Variants in NTRK3 observed in about 807,000 individuals in gnomAD.
NTRK3 encodes the protein NT-3 growth factor receptor.
In NTRK3, 24 loss-of-function variants were observed where a neutral mutation model predicts 91.7. The observed-to-expected ratio is 0.26, with a 90% CI of 0.19 to 0.37. The LOEUF is 0.37. Ranked by LOEUF, NTRK3 falls within the 10% of genes least tolerant of loss-of-function variation. The pLI is 1.00. For missense variants in NTRK3, 880 were observed against 1,068.9 expected (o/e 0.82, Z 2.46); for synonymous variants, 483 against 404.0 (o/e 1.20, Z -2.34).
chr15:88,112,127 T>C lies in NTRK3; in HGVS notation c.1396+14144A>G, dbSNP rs183956962. On this transcript the variant is annotated intron_variant, in intron 13 of 18. Coordinates refer to ENST00000394480, the Ensembl canonical transcript of NTRK3. Reference sequence around the variant, plus strand: ...TTCACAATGTTAGCCAGGATGGTCTTGATCTCCTGACCTCGTGATCCGCCC... The same window carrying C: ...TTCACAATGTTAGCCAGGATGGTCTCGATCTCCTGACCTCGTGATCCGCCC... Among the ~76,000 whole-genome samples, 826 of 152,230 alleles carry C rather than the reference T, an allele frequency of 5.4e-3. 16 individuals are homozygous for C. In the East Asian group the frequency reaches 0.055, roughly 10 times the overall value.
intron 14 of NTRK3, among the ~76,000 whole-genome samples, chr15:88,031,641 G>A (rs2078545664): frequency 6.6e-6 from 1 of 152,116 alleles, no homozygotes. Flanking sequence ...CCAAGGTTAG[G>A]AGGCAAACGA....
exon 1 of NTRK3, chr15:88,256,730 G>C (rs1392143836): frequency 5.7e-6 from 2 of 352,072 alleles, no homozygotes; most frequent in South Asian, 3.0e-4. Flanking sequence ...CTGCAGAAAT[G>C]TACAAGTGCT....
intron 17 of NTRK3, among the ~76,000 whole-genome samples, chr15:87,896,700 T>G (rs930368110): frequency 6.6e-6 from 1 of 152,160 alleles, no homozygotes; most frequent in African/African-American, 2.4e-5. Context: ...CTACAATACA[T>G]GAGTGTGCAC....
At chr15:88,111,071 A>G (rs898568816) in intron 13 of NTRK3, among the ~76,000 whole-genome samples, 9 of 152,190 alleles carry the variant, frequency 5.9e-5, no homozygotes, top group African/African-American at 1.9e-4. Context: ...AATGACTCCT[A>G]TGTCTCTAGT....
At chr15:88,214,269 A>T (rs570680948) in intron 3 of NTRK3, among the ~76,000 whole-genome samples, 10 of 152,236 alleles carry the variant, frequency 6.6e-5, no homozygotes, top group Admixed American at 5.9e-4. Context: ...GCTCCCTCGA[A>T]TGGCTGTAGA....
intron 3 of NTRK3, among the ~76,000 whole-genome samples, chr15:88,229,598 G>A (rs1461603123): frequency 1.3e-5 from 2 of 152,200 alleles, no homozygotes; most frequent in Admixed American, 6.5e-5. Context: ...GAGCCTGCCA[G>A]TTAACTCTTG....
intron 13 of NTRK3, among the ~76,000 whole-genome samples, chr15:88,119,995 T>C (rs180727261): frequency 3.9e-4 from 59 of 152,262 alleles, no homozygotes; most frequent in African/African-American, 1.4e-3. Context: ...GACACTCTGT[T>C]CCAGCTGAGA....
At chr15:88,071,054 T>C (rs930716221) in intron 13 of NTRK3, among the ~76,000 whole-genome samples, 2 of 152,046 alleles carry the variant, frequency 1.3e-5, no homozygotes, top group African/African-American at 2.4e-5. Context: ...CTGATTAGGG[T>C]TCAATCCTAC....
chr15:88,141,415 G>A (rs373663239), intron 6 of NTRK3, among the ~76,000 whole-genome samples: 99 of 152,304 alleles, frequency 6.5e-4, no homozygotes, highest in African/African-American at 2.3e-3. Flanking sequence ...GGAAAGATAG[G>A]CCAGAGGAGG....
chr15:87,906,793 C>T (rs553446476), intron 17 of NTRK3, among the ~76,000 whole-genome samples: 1 of 152,294 alleles, frequency 6.6e-6, no homozygotes, highest in East Asian at 1.9e-4. Flanking sequence ...CTATTACTAC[C>T]ACCAAGTACT....
chr15:88,008,853 T>A (rs1438782282), intron 14 of NTRK3, among the ~76,000 whole-genome samples: 2 of 152,170 alleles, frequency 1.3e-5, no homozygotes, highest in African/African-American at 4.8e-5. Context: ...GTTTAGCACC[T>A]CCCTTCACTC....
intron 5 of NTRK3, among the ~76,000 whole-genome samples, chr15:88,176,133 C>CTTTTTTTTTTTTT (rs1167029194): frequency 8.6e-6 from 1 of 115,646 alleles, no homozygotes; most frequent in African/African-American, 4.0e-5. Context: ...CTATATGCCC[C>CTTTTTTTTTTTTT]TTCTTTTTTT....
At chr15:87,861,149 T>G (rs918120051) in exon 19 of NTRK3, 3 of 225,010 alleles carry the variant, frequency 1.3e-5, no homozygotes, top group African/African-American at 6.7e-5. Flanking sequence ...AATATATTTA[T>G]GCAAACATTG....
At chr15:88,101,128 G>T (rs1267144603) in intron 13 of NTRK3, among the ~76,000 whole-genome samples, 4 of 152,202 alleles carry the variant, frequency 2.6e-5, no homozygotes, top group African/African-American at 9.6e-5. Flanking sequence ...CTGACAAAGG[G>T]CTAATATCCA....
chr15:88,084,132 C>T (rs1362375993), intron 13 of NTRK3, among the ~76,000 whole-genome samples: 3 of 145,818 alleles, frequency 2.1e-5, no homozygotes, highest in East Asian at 2.0e-4. Context: ...TTTTTTTCTT[C>T]GAAACAGGAA....
In NTRK3 at chr15:88,171,749, G is replaced by C. The variant is rs1306129733; in HGVS notation, c.395+11669C>G. ...TGAAAGAGTTGGCAAAGTCAAACTT[G>C]GGTTCACAGCCTAGTCTGCCCACCT... On this transcript the variant is annotated intron_variant, in intron 5 of 18. Coordinates refer to ENST00000394480, the Ensembl canonical transcript of NTRK3. 2.0e-5 allele frequency among the ~76,000 whole-genome samples: 3 copies of C among 152,210 alleles called. No individual in the cohort carries two copies. In the East Asian group the frequency reaches 5.8e-4, roughly 29 times the overall value.
In NTRK3 at chr15:87,961,727, A is replaced by G. The variant is rs183243556; in HGVS notation, c.1586-20974T>C. ...GCCCAGGGCATGCCCAGATGGGCTA[A>G]GCAACAGATGGACATTGGTGTGTTG... On this transcript the variant is annotated intron_variant, in intron 14 of 18. Coordinates refer to ENST00000394480, the Ensembl canonical transcript of NTRK3. 1.6e-3 allele frequency among the ~76,000 whole-genome samples: 251 copies of G among 152,394 alleles called. 1 individual carries two copies. The highest frequency in any genetic ancestry group is 5.7e-3 in the African/African-American group (239 of 41,604).
intron 14 of NTRK3, among the ~76,000 whole-genome samples, chr15:87,954,324 T>C (rs1356704592): frequency 1.3e-5 from 2 of 152,198 alleles, no homozygotes; most frequent in Non-Finnish European, 2.9e-5. Flanking sequence ...GTCTCCTCTC[T>C]AAGTACTTAC....
chr15:88,026,438 A>G (rs1466343617), intron 14 of NTRK3, among the ~76,000 whole-genome samples: 1 of 152,206 alleles, frequency 6.6e-6, no homozygotes, highest in Non-Finnish European at 1.5e-5. Flanking sequence ...AGACAACACT[A>G]TAGAGACAGT....
Sources: gnomAD v4.1 joint callset for allele counts (sites outside exome capture counted in the v4.1 genomes callset) on GRCh38, gnomAD v4.1.1 for gene constraint, MANE v1.5 for transcripts, NCBI Gene and HGNC (gene_info 2026-07-23, HGNC 2026-07-21) for gene names.